The following SPMIP3 variants were observed in gnomAD, a reference collection of about 807,000 sequenced individuals.
SPMIP3 encodes the protein sperm microtubule inner protein 3, also known as protein SPMIP3.
chr1:244,370,346 A>C, the SPMIP3 span, among the ~76,000 whole-genome samples: 37 of 152,266 alleles, frequency 2.4e-4, no homozygotes, highest in Non-Finnish European at 4.4e-4. Context: ...GAGGCTTCCT[A>C]GTCCTTCCTT....
chr1:244,364,221 C>T, the SPMIP3 span, among the ~76,000 whole-genome samples: 2 of 152,034 alleles, frequency 1.3e-5, no homozygotes, highest in East Asian at 1.9e-4. Flanking sequence ...TCTCCTGGCT[C>T]AGCCTCCCAA....
the SPMIP3 span, among the ~76,000 whole-genome samples, chr1:244,379,121 G>T: frequency 6.6e-6 from 1 of 151,582 alleles, no homozygotes; most frequent in Non-Finnish European, 1.5e-5. Flanking sequence ...GTAGAGACGG[G>T]GTTTCACCAT....
chr1:244,355,638 G>A, the SPMIP3 span, among the ~76,000 whole-genome samples: 11 of 152,208 alleles, frequency 7.2e-5, no homozygotes, highest in South Asian at 2.1e-4. Flanking sequence ...TGCCAGCCTC[G>A]GCCTCCCAAA....
the SPMIP3 span, among the ~76,000 whole-genome samples, chr1:244,382,229 T>C: frequency 6.9e-6 from 1 of 145,456 alleles, no homozygotes; most frequent in South Asian, 2.2e-4. Context: ...TTTTTTTTTT[T>C]CAAATCATAG....
At chr1:244,384,749 G>T in the SPMIP3 span, among the ~76,000 whole-genome samples, 84 of 152,288 alleles carry the variant, frequency 5.5e-4, no homozygotes, top group African/African-American at 2.0e-3. Context: ...AGATGCTTAG[G>T]TGGCAATGAT....
the SPMIP3 span, among the ~76,000 whole-genome samples, chr1:244,356,111 C>T: frequency 1.3e-5 from 2 of 152,052 alleles, no homozygotes; most frequent in Admixed American, 6.6e-5. Context: ...CATCTGTACA[C>T]CTTTTATTTC....
At chr1:244,371,887 CTT>C in the SPMIP3 span, among the ~76,000 whole-genome samples, 1 of 152,204 alleles carries the variant, frequency 6.6e-6, no homozygotes, top group Non-Finnish European at 1.5e-5. Flanking sequence ...CTTCTTATGA[CTT>C]AATACCCCAT....
the SPMIP3 span, among the ~76,000 whole-genome samples, chr1:244,388,149 G>T: frequency 6.6e-6 from 1 of 151,384 alleles, no homozygotes; most frequent in Non-Finnish European, 1.5e-5. Flanking sequence ...GGTTGGTCTC[G>T]AACTCCTGAC....
chr1:244,380,616 C>T, the SPMIP3 span, among the ~76,000 whole-genome samples: 1 of 152,300 alleles, frequency 6.6e-6, no homozygotes, highest in African/African-American at 2.4e-5. Flanking sequence ...AAGCAGAATT[C>T]AGCCCCAGGT....
At chr1:244,374,523 A>T in the SPMIP3 span, among the ~76,000 whole-genome samples, 3 of 144,656 alleles carry the variant, frequency 2.1e-5, no homozygotes, top group Non-Finnish European at 3.0e-5. Flanking sequence ...CATTTCTTTT[A>T]TTATTTTTAT....
At chr1:244,357,960 C>T in the SPMIP3 span, among the ~76,000 whole-genome samples, 1 of 152,040 alleles carries the variant, frequency 6.6e-6, no homozygotes, top group African/African-American at 2.4e-5. Context: ...TGGTGGCATG[C>T]ACCTGCAGTC....
the SPMIP3 span, among the ~76,000 whole-genome samples, chr1:244,356,770 G>A: frequency 2.2e-4 from 34 of 152,186 alleles, no homozygotes; most frequent in South Asian, 1.2e-3. Flanking sequence ...CAAAATTGGG[G>A]TATTGGGTTT....
At chr1:244,359,424 A>G in the SPMIP3 span, among the ~76,000 whole-genome samples, 1 of 152,176 alleles carries the variant, frequency 6.6e-6, no homozygotes, top group Non-Finnish European at 1.5e-5. Context: ...AGAAAATCTG[A>G]TTTTAAAATA....
the SPMIP3 span, among the ~76,000 whole-genome samples, chr1:244,353,577 C>G: frequency 6.6e-6 from 1 of 152,114 alleles, no homozygotes; most frequent in South Asian, 2.1e-4. Context: ...GAGAATCTCC[C>G]AGGGGCTCTG....
At chr1:244,370,212 T>C in the SPMIP3 span, among the ~76,000 whole-genome samples, 2 of 152,190 alleles carry the variant, frequency 1.3e-5, no homozygotes, top group Admixed American at 6.6e-5. Flanking sequence ...TTTACTCTCA[T>C]GCAATCATTA....
At chr1:244,372,025 C>G in the SPMIP3 span, among the ~76,000 whole-genome samples, 1 of 152,216 alleles carries the variant, frequency 6.6e-6, no homozygotes, top group Admixed American at 6.5e-5. Context: ...CAGAACTCGC[C>G]CTGCTCAGTG....
the SPMIP3 span, among the ~76,000 whole-genome samples, chr1:244,371,528 T>C: frequency 6.6e-6 from 1 of 152,224 alleles, no homozygotes; most frequent in South Asian, 2.1e-4. Flanking sequence ...CAAGAGACAC[T>C]GCCAAGGGGC....
chr1:244,370,757 C>A, the SPMIP3 span, among the ~76,000 whole-genome samples: 1 of 152,134 alleles, frequency 6.6e-6, no homozygotes, highest in Non-Finnish European at 1.5e-5. Context: ...CACACATACC[C>A]TCGGGTGGCA....
the SPMIP3 span, among the ~76,000 whole-genome samples, chr1:244,363,451 A>G: frequency 2.0e-5 from 3 of 152,212 alleles, no homozygotes; most frequent in South Asian, 6.2e-4. Context: ...TTAGACTAGA[A>G]ACAACCTATA....
Sources: gnomAD v4.1 joint callset for allele counts (sites outside exome capture counted in the v4.1 genomes callset) on GRCh38, gnomAD v4.1.1 for gene constraint, MANE v1.5 for transcripts, NCBI Gene and HGNC (gene_info 2026-07-23, HGNC 2026-07-21) for gene names.